Variants in SH3KBP1 observed in about 807,000 individuals in gnomAD.
SH3KBP1 encodes the protein SH3 domain containing kinase binding protein 1.
Under a neutral mutation model 50.1 loss-of-function variants are expected in SH3KBP1, and 8 were observed. The observed-to-expected ratio is 0.16, with a 90% confidence interval of 0.09 to 0.29. The LOEUF (loss-of-function observed/expected upper bound fraction) is 0.29. SH3KBP1 is among the 10% of genes least tolerant of loss of function. SH3KBP1 has a pLI of 1.00. For synonymous variants in SH3KBP1, 227 were observed against 218.6 expected, an observed-to-expected ratio of 1.04 and a Z score of -0.34; for missense variants, 377 against 535.2, an observed-to-expected ratio of 0.70 and a Z score of 2.92.
At chrX:19,625,749 G>A (rs1003174307) in intron 8 of SH3KBP1, among the ~76,000 whole-genome samples, 6 of 112,125 alleles carry the variant, frequency 5.4e-5, no homozygotes, top group Non-Finnish European at 7.5e-5. Context: ...TGGATATCCA[G>A]TAACAATGAG....
At chrX:19,862,444 A>C (rs2068801579) in intron 1 of SH3KBP1, among the ~76,000 whole-genome samples, 1 of 111,824 alleles carries the variant, frequency 8.9e-6, no homozygotes, top group Admixed American at 9.5e-5. Context: ...TCTTTGGAAT[A>C]TTGTCCCCAT....
chrX:19,660,048 G>T (rs1450110698), intron 6 of SH3KBP1, among the ~76,000 whole-genome samples: 1 of 112,630 alleles, frequency 8.9e-6, no homozygotes, highest in Non-Finnish European at 1.9e-5. Flanking sequence ...AGGCCTGAGT[G>T]CAATGAGTTA....
chrX:19,560,261 T>G (rs2065631479), intron 13 of SH3KBP1, among the ~76,000 whole-genome samples: 1 of 109,905 alleles, frequency 9.1e-6, no homozygotes, highest in Non-Finnish European at 1.9e-5. Context: ...AGGGCCAAAT[T>G]ATCAATTCTA....
At chrX:19,620,882 G>A (rs981605451) in intron 8 of SH3KBP1, among the ~76,000 whole-genome samples, 2 of 111,000 alleles carry the variant, frequency 1.8e-5, no homozygotes, top group African/African-American at 6.5e-5. Context: ...TTCTTTTATG[G>A]ATTGTGTTTT....
At chrX:19,557,997 T>A (rs5909315) in intron 13 of SH3KBP1, among the ~76,000 whole-genome samples, 11 of 111,319 alleles carry the variant, frequency 9.9e-5, no homozygotes, top group African/African-American at 3.6e-4. Flanking sequence ...GTGATTCACT[T>A]GGATTGATGA....
At chrX:19,812,577 C>T (rs1368025444) in intron 2 of SH3KBP1, among the ~76,000 whole-genome samples, 1 of 108,699 alleles carries the variant, frequency 9.2e-6, no homozygotes. Context: ...ACCTGTAATC[C>T]CAGCACATTG....
chrX:19,539,553 G>T (rs1447388756), intron 16 of SH3KBP1, among the ~76,000 whole-genome samples: 1 of 112,303 alleles, frequency 8.9e-6, no homozygotes, highest in Non-Finnish European at 1.9e-5. Flanking sequence ...CAGCTGTGGG[G>T]AGTTAATTGG....
At chrX:19,570,110 A>G (rs913029679) in intron 12 of SH3KBP1, among the ~76,000 whole-genome samples, 7 of 112,166 alleles carry the variant, frequency 6.2e-5, no homozygotes, top group Non-Finnish European at 1.1e-4. Flanking sequence ...TTAGTCAACA[A>G]GCACTTGTCA....
intron 2 of SH3KBP1, among the ~76,000 whole-genome samples, chrX:19,809,300 C>T (rs2067139979): frequency 9.0e-6 from 1 of 111,681 alleles, no homozygotes. Context: ...CCGAGGCAGG[C>T]AGATCACGAG....
At chrX:19,698,650 G>A (rs750140769) in intron 4 of SH3KBP1, among the ~76,000 whole-genome samples, 2 of 111,896 alleles carry the variant, frequency 1.8e-5, no homozygotes, top group Admixed American at 9.4e-5. Context: ...TGGTGGGGGT[G>A]GCCCCAGTAC....
intron 6 of SH3KBP1, among the ~76,000 whole-genome samples, chrX:19,675,484 A>G (rs2062904911): frequency 9.3e-6 from 1 of 108,064 alleles, no homozygotes; most frequent in Non-Finnish European, 1.9e-5. Context: ...AGCTCATTGC[A>G]ACCTCCACCT....
chrX:19,613,611 T>C (rs1031535883), intron 8 of SH3KBP1, among the ~76,000 whole-genome samples: 1 of 112,959 alleles, frequency 8.9e-6, no homozygotes, highest in Admixed American at 9.3e-5. Flanking sequence ...TAACATATAC[T>C]TTTCCCTATA....
chrX:19,621,529 G>A lies in SH3KBP1; in HGVS notation c.897+10335C>T, dbSNP rs1298593222. 3.6e-5 allele frequency among the ~76,000 whole-genome samples: 4 copies of A among 111,221 alleles called. No homozygotes were observed. The East Asian group carries it at 1.1e-3, about 31-fold the overall frequency. On this transcript the variant is annotated intron_variant, in intron 8 of 17. Coordinates refer to ENST00000397821, the MANE Select transcript of SH3KBP1 (RefSeq NM_031892.3). ...CCAGCAAACTACAGCCCATGGGCCA[G>A]GTCTAGCCTGCCACCTATTTCTCTA...
intron 8 of SH3KBP1, among the ~76,000 whole-genome samples, chrX:19,612,215 T>G (rs2067451262): frequency 9.0e-6 from 1 of 111,491 alleles, no homozygotes; most frequent in African/African-American, 3.3e-5. Flanking sequence ...TGAAGAGACT[T>G]GTATGAGGGC....
chrX:19,624,260 C>G (rs2067941776), intron 8 of SH3KBP1, among the ~76,000 whole-genome samples: 1 of 111,464 alleles, frequency 9.0e-6, no homozygotes, highest in Non-Finnish European at 1.9e-5. Context: ...GGGAGTTTCT[C>G]TAATTCCTTA....
Position 19,638,251 on chromosome X carries a change from A to T in SH3KBP1, c.803-6293T>A, listed in dbSNP as rs756577839. On this transcript the variant is annotated intron_variant, in intron 7 of 17. Coordinates refer to ENST00000397821, the MANE Select transcript of SH3KBP1 (RefSeq NM_031892.3). ...CGGTGAAACCCCGTCTCCACTAAAAATACAAAAAATTAGCCGGGCACGGTG... is the reference window on the plus strand; with the variant it reads ...CGGTGAAACCCCGTCTCCACTAAAATTACAAAAAATTAGCCGGGCACGGTG... Among the ~76,000 whole-genome samples, 241 of 109,849 alleles carry T rather than the reference A, an allele frequency of 2.2e-3. 3 individuals carry two copies. Among genetic ancestry groups the T allele is most frequent in the African/African-American group, 7.6e-3 (229 of 30,090 alleles).
intron 13 of SH3KBP1, among the ~76,000 whole-genome samples, chrX:19,564,316 C>T (rs1361235688): frequency 8.9e-6 from 1 of 112,124 alleles, no homozygotes; most frequent in African/African-American, 3.2e-5. Context: ...GTCGCTATTA[C>T]AATTGCTCTC....
At chrX:19,759,501 T>C (rs775512446) in intron 2 of SH3KBP1, among the ~76,000 whole-genome samples, 1 of 112,297 alleles carries the variant, frequency 8.9e-6, no homozygotes, top group Non-Finnish European at 1.9e-5. Flanking sequence ...AGAATGTTTA[T>C]ACACATTTAT....
intron 1 of SH3KBP1, among the ~76,000 whole-genome samples, chrX:19,855,268 G>A (rs190619156): frequency 7.1e-4 from 79 of 111,886 alleles, no homozygotes; most frequent in African/African-American, 2.5e-3. Context: ...ACAGGCATAA[G>A]CTACCATGCC....
Sources: gnomAD v4.1 joint callset for allele counts (sites outside exome capture counted in the v4.1 genomes callset) on GRCh38, gnomAD v4.1.1 for gene constraint, MANE v1.5 for transcripts, NCBI Gene and HGNC (gene_info 2026-07-23, HGNC 2026-07-21) for gene names.